The following KHDRBS2 variants were observed in gnomAD, a reference collection of about 807,000 sequenced individuals.
The protein encoded by KHDRBS2 is KH domain-containing, RNA-binding, signal transduction-associated protein 2.
Under a neutral mutation model 44.3 loss-of-function variants are expected in KHDRBS2, and 26 were observed. That is an observed-to-expected ratio of 0.59 (90% CI 0.43 to 0.81). The LOEUF (loss-of-function observed/expected upper bound fraction) is 0.81. Ranked by LOEUF, KHDRBS2 falls within the 40% of genes least tolerant of loss-of-function variation. The pLI is 0.00. For missense variants in KHDRBS2, 476 were observed against 433.1 expected, an observed-to-expected ratio of 1.10 and a Z score of -0.88; for synonymous variants, 194 against 151.1, an observed-to-expected ratio of 1.28 and a Z score of -2.08.
At chr6:62,099,207 T>C (rs1258642242) in intron 2 of KHDRBS2, among the ~76,000 whole-genome samples, 1 of 152,148 alleles carries the variant, frequency 6.6e-6, no homozygotes, top group Non-Finnish European at 1.5e-5. Context: ...CTTATGAGTA[T>C]ATAATGATGT....
chr6:61,776,792 A>C (rs1782100666), intron 6 of KHDRBS2, among the ~76,000 whole-genome samples: 1 of 152,230 alleles, frequency 6.6e-6, no homozygotes, highest in South Asian at 2.1e-4. Flanking sequence ...TATTGGGTAT[A>C]TACCCAAAGG....
At chr6:61,804,013 T>C (rs1786720034) in intron 6 of KHDRBS2, among the ~76,000 whole-genome samples, 1 of 152,060 alleles carries the variant, frequency 6.6e-6, no homozygotes, top group African/African-American at 2.4e-5. Flanking sequence ...TCCTCACATT[T>C]CCAAATACAA....
intron 3 of KHDRBS2, among the ~76,000 whole-genome samples, chr6:61,996,383 A>T (rs1244546020): frequency 6.6e-6 from 1 of 152,236 alleles, no homozygotes; most frequent in African/African-American, 2.4e-5. Flanking sequence ...TAGAAAAATA[A>T]AACACTATTT....
At chr6:61,729,564 T>C (rs1212821882) in intron 7 of KHDRBS2, among the ~76,000 whole-genome samples, 1 of 152,196 alleles carries the variant, frequency 6.6e-6, no homozygotes, top group Non-Finnish European at 1.5e-5. Flanking sequence ...CAGCAATATA[T>C]GAGCATTGCA....
chr6:61,860,379 G>T, intron 6 of KHDRBS2, among the ~76,000 whole-genome samples: 1 of 151,600 alleles, frequency 6.6e-6, no homozygotes, highest in East Asian at 1.9e-4. Flanking sequence ...CCCACCCTCT[G>T]CCCCCCGATA....
At chr6:62,053,072 C>T (rs1270506110) in intron 2 of KHDRBS2, among the ~76,000 whole-genome samples, 1 of 151,994 alleles carries the variant, frequency 6.6e-6, no homozygotes, top group Non-Finnish European at 1.5e-5. Context: ...ACATTTTGCT[C>T]TCTATATTAT....
At chr6:62,007,478 C>T (rs529921176) in intron 3 of KHDRBS2, among the ~76,000 whole-genome samples, 44 of 151,606 alleles carry the variant, frequency 2.9e-4, no homozygotes, top group Non-Finnish European at 4.9e-4. Context: ...TCTGCCTAAT[C>T]GGGTGTATGA....
At chr6:61,816,789 A>G in intron 6 of KHDRBS2, 1 of 377,686 alleles carries the variant, frequency 2.6e-6, no homozygotes, top group Non-Finnish European at 5.3e-6. Flanking sequence ...TCAAGGTGAC[A>G]TTTAGAACTC....
chr6:61,805,826 G>C (rs1450466852), intron 6 of KHDRBS2, among the ~76,000 whole-genome samples: 1 of 152,152 alleles, frequency 6.6e-6, no homozygotes, highest in Non-Finnish European at 1.5e-5. Context: ...CCCAAAATGC[G>C]GGGATTACAA....
chr6:61,923,834 G>A (rs78495855), intron 4 of KHDRBS2, among the ~76,000 whole-genome samples: 10,251 of 152,116 alleles, frequency 0.067, 412 homozygotes, highest in Middle Eastern at 0.13. Flanking sequence ...GCAAGAAAAG[G>A]ATAAAAGGCA....
intron 3 of KHDRBS2, among the ~76,000 whole-genome samples, chr6:62,038,344 CTT>C (rs1584299013): frequency 6.7e-6 from 1 of 149,358 alleles, no homozygotes; most frequent in Non-Finnish European, 1.5e-5. Context: ...CTTTTTTGGT[CTT>C]TCTTTGAGCT....
At chr6:62,094,209 G>C (rs550816836) in intron 2 of KHDRBS2, among the ~76,000 whole-genome samples, 1 of 151,672 alleles carries the variant, frequency 6.6e-6, no homozygotes. Flanking sequence ...TGTTACATTT[G>C]GATTTTGTAA....
the KHDRBS2 span, among the ~76,000 whole-genome samples, chr6:61,548,290 C>A: frequency 1.3e-5 from 2 of 151,922 alleles, no homozygotes. Context: ...TTTATGAGGG[C>A]TATATATATA....
the KHDRBS2 span, among the ~76,000 whole-genome samples, chr6:61,615,148 A>G: frequency 1.3e-5 from 2 of 148,190 alleles, no homozygotes; most frequent in Non-Finnish European, 1.5e-5. Context: ...CAGGAGAATC[A>G]CCTGAATCCA....
At chr6:62,034,359 T>C (rs9351631) in intron 3 of KHDRBS2, among the ~76,000 whole-genome samples, 118,634 of 151,712 alleles carry the variant, frequency 0.78, 46,936 homozygotes, top group Admixed American at 0.84. Flanking sequence ...AAACCAAAGA[T>C]GCACCAAAAG....
At chr6:62,115,808 A>G (rs1186897217) in intron 2 of KHDRBS2, among the ~76,000 whole-genome samples, 3 of 152,150 alleles carry the variant, frequency 2.0e-5, no homozygotes, top group African/African-American at 7.2e-5. Context: ...CGTTAATTAT[A>G]TATTGAGTTA....
intron 3 of KHDRBS2, among the ~76,000 whole-genome samples, chr6:62,014,396 G>A (rs147030704): frequency 3.3e-5 from 5 of 152,060 alleles, no homozygotes; most frequent in Admixed American, 6.6e-5. Flanking sequence ...TTTGATTGAG[G>A]ATTTAGTTTA....
intron 1 of KHDRBS2, among the ~76,000 whole-genome samples, chr6:62,214,600 C>G (rs1397936470): frequency 6.6e-6 from 1 of 151,746 alleles, no homozygotes; most frequent in Non-Finnish European, 1.5e-5. Flanking sequence ...TGGAAGTGGA[C>G]AAACAATATT....
intron 6 of KHDRBS2, among the ~76,000 whole-genome samples, chr6:61,806,036 A>T (rs1787104807): frequency 6.6e-6 from 1 of 152,198 alleles, no homozygotes; most frequent in African/African-American, 2.4e-5. Flanking sequence ...TGGTCTATTC[A>T]CTGATGCTGT....
Sources: gnomAD v4.1 joint callset for allele counts (sites outside exome capture counted in the v4.1 genomes callset) on GRCh38, gnomAD v4.1.1 for gene constraint, MANE v1.5 for transcripts, NCBI Gene and HGNC (gene_info 2026-07-23, HGNC 2026-07-21) for gene names.